CNTLN: variants seen among roughly 807,000 people sequenced by gnomAD.
The protein encoded by CNTLN is centlein, centrosomal protein.
Under a neutral mutation model 180.0 loss-of-function variants are expected in CNTLN, and 212 were observed. The observed-to-expected ratio is 1.18, with a 90% CI of 1.05 to 1.32. The LOEUF is 1.32. Ranked by LOEUF, CNTLN falls within the 40% of genes most tolerant of loss-of-function variation. The pLI, the probability that CNTLN is intolerant of heterozygous loss-of-function variation, is 0.00. For synonymous variants in CNTLN, 722 were observed against 563.1 expected, an observed-to-expected ratio of 1.28 and a Z score of -3.99; for missense variants, 2,095 against 1,610.9, an observed-to-expected ratio of 1.30 and a Z score of -5.14.
intron 2 of CNTLN, among the ~76,000 whole-genome samples, chr9:17,164,044 G>A (rs143031896): frequency 1.1e-3 from 159 of 150,276 alleles, no homozygotes; most frequent in African/African-American, 3.3e-3. Flanking sequence ...AGAAGCAGTG[G>A]CTCACCCCTG....
At chr9:17,415,195 A>T (rs373857490) in intron 16 of CNTLN, among the ~76,000 whole-genome samples, 14 of 152,298 alleles carry the variant, frequency 9.2e-5, no homozygotes, top group African/African-American at 2.9e-4. Flanking sequence ...CCTTTTATTC[A>T]GCCTCAGTGT....
intron 2 of CNTLN, among the ~76,000 whole-genome samples, chr9:17,211,729 T>G (rs1359017104): frequency 6.6e-6 from 1 of 152,088 alleles, no homozygotes; most frequent in East Asian, 1.9e-4. Context: ...CTTTTATTTT[T>G]TTGAGCAGTG....
chr9:17,337,751 A>G (rs997528722), intron 10 of CNTLN, among the ~76,000 whole-genome samples: 3 of 152,188 alleles, frequency 2.0e-5, no homozygotes, highest in East Asian at 3.9e-4. Context: ...CATAGTGTCA[A>G]TACATATAAG....
At chr9:17,521,408 C>A in the CNTLN span, among the ~76,000 whole-genome samples, 2 of 152,032 alleles carry the variant, frequency 1.3e-5, no homozygotes, top group Non-Finnish European at 2.9e-5. Context: ...ACAAGCTGAA[C>A]AGAAATGTGA....
intron 18 of CNTLN, among the ~76,000 whole-genome samples, chr9:17,451,366 A>G (rs1830767131): frequency 6.6e-6 from 1 of 152,222 alleles, no homozygotes; most frequent in Non-Finnish European, 1.5e-5. Flanking sequence ...CAGAATAATC[A>G]GATTATGAGA....
At chr9:17,419,964 GA>G (rs1450262312) in intron 18 of CNTLN, among the ~76,000 whole-genome samples, 2 of 152,156 alleles carry the variant, frequency 1.3e-5, no homozygotes, top group Non-Finnish European at 2.9e-5. Context: ...ACCCAGGCTG[GA>G]GAGCAGTGGC....
intron 25 of CNTLN, among the ~76,000 whole-genome samples, chr9:17,493,493 T>C (rs1432616042): frequency 6.6e-6 from 1 of 152,168 alleles, no homozygotes; most frequent in African/African-American, 2.4e-5. Context: ...GTCAGTAAAT[T>C]GTGCCCTAAA....
intron 18 of CNTLN, among the ~76,000 whole-genome samples, chr9:17,443,732 A>G (rs987444393): frequency 6.6e-6 from 1 of 152,204 alleles, no homozygotes; most frequent in Non-Finnish European, 1.5e-5. Context: ...AAGGAAATCT[A>G]CTGATGTCAT....
At chr9:17,310,590 G>T (rs2132927071) in intron 8 of CNTLN, among the ~76,000 whole-genome samples, 1 of 152,074 alleles carries the variant, frequency 6.6e-6, no homozygotes, top group African/African-American at 2.4e-5. Context: ...ATATATCTAG[G>T]AGTAGAAATC....
intron 8 of CNTLN, among the ~76,000 whole-genome samples, chr9:17,312,357 ATATATAT>A (rs1356910738): frequency 3.1e-3 from 46 of 15,024 alleles, no homozygotes; most frequent in Admixed American, 9.2e-3. Context: ...ATATATATAT[ATATATAT>A]TATATATATA....
chr9:17,252,083 A>C (rs1826177602), intron 5 of CNTLN, among the ~76,000 whole-genome samples: 1 of 151,864 alleles, frequency 6.6e-6, no homozygotes, highest in Non-Finnish European at 1.5e-5. Context: ...TTTATGTCTA[A>C]GTAGTATTCC....
At chr9:17,343,777 T>G (rs1821666274) in intron 12 of CNTLN, among the ~76,000 whole-genome samples, 1 of 152,056 alleles carries the variant, frequency 6.6e-6, no homozygotes, top group South Asian at 2.1e-4. Context: ...GATTTACAGT[T>G]TTATCACCCC....
At chr9:17,414,757 T>C (rs193072600) in intron 16 of CNTLN, among the ~76,000 whole-genome samples, 1 of 152,290 alleles carries the variant, frequency 6.6e-6, no homozygotes. Flanking sequence ...TAAGAAATAA[T>C]TTTCTAGATT....
intron 2 of CNTLN, among the ~76,000 whole-genome samples, chr9:17,171,742 C>T (rs1247823287): frequency 1.3e-5 from 2 of 151,944 alleles, no homozygotes; most frequent in South Asian, 2.1e-4. Context: ...GCACCCCCAC[C>T]GGTTTGGTAA....
intron 18 of CNTLN, among the ~76,000 whole-genome samples, chr9:17,428,296 GATAATA>G (rs138346089): frequency 6.6e-6 from 1 of 152,034 alleles, no homozygotes; most frequent in Non-Finnish European, 1.5e-5. Context: ...GACAGATTAT[GATAATA>G]ATAATAGTGA....
intron 1 of CNTLN, 44 bp downstream of exon 1, chr9:17,135,469 G>T: frequency 1.9e-6 from 3 of 1,552,600 alleles, no homozygotes; most frequent in Non-Finnish European, 2.6e-6. Context: ...CCACAGCGGG[G>T]CCGGGACCCG....
At chr9:17,487,755 T>C (rs1396153012) in intron 25 of CNTLN, among the ~76,000 whole-genome samples, 4 of 152,148 alleles carry the variant, frequency 2.6e-5, no homozygotes, top group African/African-American at 7.2e-5. Context: ...ACCTGTGTGA[T>C]ACTTTTTCTT....
At chr9:17,294,032 C>T (rs1023022737) in intron 6 of CNTLN, among the ~76,000 whole-genome samples, 6 of 152,122 alleles carry the variant, frequency 3.9e-5, no homozygotes, top group African/African-American at 1.4e-4. Flanking sequence ...TTAAAAGCGG[C>T]GTGTCCGGAG....
intron 12 of CNTLN, among the ~76,000 whole-genome samples, chr9:17,356,902 A>G (rs1400079729): frequency 1.3e-5 from 2 of 151,870 alleles, no homozygotes; most frequent in Non-Finnish European, 1.5e-5. Flanking sequence ...TGCCCTCCCC[A>G]TATACCTAAA....
Sources: allele counts gnomAD v4.1 joint callset (sites outside exome capture counted in the v4.1 genomes callset), GRCh38; gene constraint gnomAD v4.1.1; transcripts MANE v1.5; gene names NCBI Gene and HGNC (gene_info 2026-07-23, HGNC 2026-07-21).